Variants in RPRD2 observed in about 807,000 individuals in gnomAD.
RPRD2 encodes regulation of nuclear pre-mRNA domain-containing protein 2.
RPRD2 carries 12 observed loss-of-function variants against 104.4 expected under a neutral mutation model. The ratio of observed to expected loss-of-function variants is 0.11; its 90% CI spans 0.07 to 0.19. The LOEUF is 0.19. RPRD2 is among the 10% of genes least tolerant of loss of function. The pLI is 1.00. For missense variants in RPRD2, 1,543 were observed against 1,790.1 expected, an observed-to-expected ratio of 0.86 and a Z score of 2.49; for synonymous variants, 714 against 684.9, an observed-to-expected ratio of 1.04 and a Z score of -0.66.
chr1:150,377,430 C>T (rs1465372183), intron 1 of RPRD2, among the ~76,000 whole-genome samples: 2 of 151,442 alleles, frequency 1.3e-5, no homozygotes, highest in African/African-American at 2.4e-5. Context: ...AACCCCGTCT[C>T]TACTAAAAAT....
chr1:150,470,619 C>T lies in RPRD2; in HGVS notation c.1671C>T (p.Ala557=), dbSNP rs1668525368. 1 of 1,613,940 alleles carries T rather than the reference C, an allele frequency of 6.2e-7. No homozygotes were observed. Among genetic ancestry groups the T allele is most frequent in the East Asian group, 2.2e-5 (1 of 44,884 alleles). The change falls in exon 11 of 11, where the codon GCC becomes GCT. Residue 557 remains alanine (A), a synonymous_variant. Coordinates refer to ENST00000369068, the MANE Select transcript of RPRD2 (RefSeq NM_015203.5). ...ACCCAGTTCCAGCCAGTGAAGCTGC[C>T]TCACAGAGCACTTCAGCCTCCCCTG... The part of the protein sequence containing the change: ...TGNPVPASEA[A]SQSTSASPAN...
At chr1:150,431,550 G>A (rs782010878) in intron 2 of RPRD2, among the ~76,000 whole-genome samples, 1 of 137,368 alleles carries the variant, frequency 7.3e-6, no homozygotes, top group African/African-American at 2.7e-5. Flanking sequence ...GCACAATCTC[G>A]GCTCGCTGCA....
intron 10 of RPRD2, among the ~76,000 whole-genome samples, chr1:150,467,395 A>G (rs1309472932): frequency 6.6e-6 from 1 of 151,862 alleles, no homozygotes; most frequent in Non-Finnish European, 1.5e-5. Context: ...TGTTTTTGAG[A>G]CGGGGACTTG....
intron 1 of RPRD2, among the ~76,000 whole-genome samples, chr1:150,412,705 A>G (rs990220739): frequency 6.6e-6 from 1 of 152,202 alleles, no homozygotes; most frequent in Admixed American, 6.5e-5. Flanking sequence ...AATCATTGAC[A>G]GATTTGATAT....
chr1:150,451,125 A>G (rs1667138170), intron 7 of RPRD2, among the ~76,000 whole-genome samples: 1 of 152,188 alleles, frequency 6.6e-6, no homozygotes, highest in South Asian at 2.1e-4. Context: ...TTTGAAGATT[A>G]CAAGTCAAAT....
At position 150,470,573 on chromosome 1, in the gene RPRD2, T is replaced by C. The variant is rs1277850339; in HGVS notation, c.1625T>C (p.Leu542Ser). Reference sequence around the variant, plus strand: ...TTTGTTTCTACAGGCCTGTCATCTTTACTTCAGAGTGTTACTGGGAACCCA... The same window carrying C: ...TTTGTTTCTACAGGCCTGTCATCTTCACTTCAGAGTGTTACTGGGAACCCA... ...SAPALQGLSS[L>S]LQSVTGNPVP... is the part of the protein sequence containing the mutation. The change falls in exon 11 of 11, where the codon TTA becomes TCA. Residue 542 changes from leucine to serine, a missense_variant. By Grantham distance (145) the Leu-to-Ser change is moderately radical (BLOSUM62 -2). This residue lies in a region of RPRD2 where 572 missense variants were observed against 787.3 expected (regional missense o/e 0.73). Coordinates refer to ENST00000369068, the MANE Select transcript of RPRD2 (RefSeq NM_015203.5). 2.5e-6 allele frequency: 4 copies of C among 1,613,546 alleles called. No individual in the cohort carries two copies. The highest frequency in any genetic ancestry group is 3.4e-6 in the Non-Finnish European group (4 of 1,179,640).
intron 2 of RPRD2, 145 bp from the exon 3 acceptor site, chr1:150,440,778 C>T: frequency 1.7e-6 from 1 of 599,130 alleles, no homozygotes; most frequent in South Asian, 2.0e-5. Flanking sequence ...TTTCTTTAGT[C>T]CTGGATATTA....
At chr1:150,413,132 A>G (rs1054894148) in intron 1 of RPRD2, among the ~76,000 whole-genome samples, 3 of 152,156 alleles carry the variant, frequency 2.0e-5, no homozygotes, top group East Asian at 1.9e-4. Context: ...GAAAACAGCA[A>G]TAGTAGGAAG....
chr1:150,421,518 T>C (rs80266412), intron 2 of RPRD2, among the ~76,000 whole-genome samples: 8 of 151,976 alleles, frequency 5.3e-5, no homozygotes, highest in Admixed American at 2.0e-4. Context: ...TCCAAGGTAA[T>C]TTTTTTTAAG....
chr1:150,403,567 TCATC>T (rs1160163527), intron 1 of RPRD2, among the ~76,000 whole-genome samples: 1 of 152,220 alleles, frequency 6.6e-6, no homozygotes, highest in Non-Finnish European at 1.5e-5. Flanking sequence ...TTTGCAAGGT[TCATC>T]CATATTATGG....
intron 4 of RPRD2, 145 bp downstream of exon 4, chr1:150,442,103 AC>A: frequency 1.9e-6 from 1 of 513,720 alleles, no homozygotes. Context: ...CCTATGCTAA[AC>A]AAGCCATCAT....
chr1:150,375,086 C>T (rs782119205), intron 1 of RPRD2, among the ~76,000 whole-genome samples: 5 of 151,006 alleles, frequency 3.3e-5, no homozygotes, highest in Non-Finnish European at 5.9e-5. Flanking sequence ...GGCAATGTTT[C>T]GAAACATGGA....
At chr1:150,469,455 T>C (rs752575457) in intron 10 of RPRD2, among the ~76,000 whole-genome samples, 1 of 152,070 alleles carries the variant, frequency 6.6e-6, no homozygotes, top group Non-Finnish European at 1.5e-5. Flanking sequence ...TTTTAAATTT[T>C]TTTTAGAGAC....
At chr1:150,426,643 CAGTG>C (rs1665143384) in intron 2 of RPRD2, among the ~76,000 whole-genome samples, 1 of 152,214 alleles carries the variant, frequency 6.6e-6, no homozygotes, top group South Asian at 2.1e-4. Context: ...AACAAATACA[CAGTG>C]AGGTACTTTC....
Position 150,471,617 on chromosome 1 carries a change from C to T in RPRD2, c.2669C>T (p.Pro890Leu). The T allele has an allele frequency of 6.2e-7, 1 of 1,613,856 alleles. No homozygotes were observed. Among genetic ancestry groups the T allele is most frequent in the African/African-American group, 1.3e-5 (1 of 74,976 alleles). Residue 890 changes from proline to leucine, a missense_variant, in exon 11 of 11, where the codon CCT becomes CTT. Coordinates refer to ENST00000369068, the MANE Select transcript of RPRD2 (RefSeq NM_015203.5). The surrounding 1 kb of genome is among the most constrained non-coding windows in gnomAD (Gnocchi z 5.3). ...GAATTTGGGGTAAAGTCTGCCTTCC[C>T]TCCATCTGTAAGGGCCCTCCTGGAC... ...AQEFGVKSAF[P>L]PSVRALLDSS...
intron 7 of RPRD2, among the ~76,000 whole-genome samples, chr1:150,456,499 G>GGA (rs1553897593): frequency 2.6e-5 from 4 of 152,016 alleles, no homozygotes; most frequent in Non-Finnish European, 5.9e-5. Flanking sequence ...CAGGGATGAT[G>GGA]GTGTATGCCT....
At chr1:150,383,798 T>C (rs781949125) in intron 1 of RPRD2, among the ~76,000 whole-genome samples, 13 of 152,200 alleles carry the variant, frequency 8.5e-5, no homozygotes, top group Non-Finnish European at 1.8e-4. Context: ...ATGCTATTTT[T>C]AGTATCAACT....
chr1:150,473,114 G>A lies in RPRD2; in HGVS notation c.4166G>A (p.Gly1389Glu). The A allele has an allele frequency of 6.2e-7, 1 of 1,613,990 alleles. No homozygotes were observed. Among genetic ancestry groups the A allele is most frequent in the South Asian group, 1.1e-5 (1 of 91,086 alleles). Residue 1389 changes from glycine (G) to glutamate (E), a missense_variant, in exon 11 of 11, where the codon GGA becomes GAA. Coordinates refer to ENST00000369068, the MANE Select transcript of RPRD2 (RefSeq NM_015203.5). The stretch of plus-strand genomic sequence containing the variant: ...CCACCCCATGGAGGAGGAGGTGGGG[G>A]AGGCAGCAACAGCAGCAGTGGCCCC... ...LGPPHGGGGG[G>E]GSNSSSGPPL...
chr1:150,429,752 A>G (rs1553891258), intron 2 of RPRD2, among the ~76,000 whole-genome samples: 1 of 152,256 alleles, frequency 6.6e-6, no homozygotes, highest in Non-Finnish European at 1.5e-5. Context: ...AGTCTAGTTG[A>G]AGAAACAGTT....
Sources: gnomAD v4.1 joint callset for allele counts (sites outside exome capture counted in the v4.1 genomes callset) on GRCh38, gnomAD v4.1.1 for gene constraint, gnomAD v4.1.1 regional missense constraint, Gnocchi (gnomAD v3.1) non-coding constraint, MANE v1.5 for transcripts, NCBI Gene and HGNC (gene_info 2026-07-23, HGNC 2026-07-21) for gene names.